The following GRM1 variants were observed in gnomAD, a reference collection of about 807,000 sequenced individuals.
The protein encoded by GRM1 is metabotropic glutamate receptor 1.
A neutral mutation model predicts 90.9 loss-of-function variants in GRM1; 33 were observed. The ratio of observed to expected loss-of-function variants is 0.36; its 90% CI spans 0.28 to 0.49. GRM1 has a LOEUF of 0.49. Among genes scored for constraint, GRM1 ranks in the 20% least tolerant of loss-of-function variants. The pLI, the probability that GRM1 is intolerant of heterozygous loss-of-function variation, is 0.99. For synonymous variants in GRM1, 700 were observed against 613.2 expected (o/e 1.14, Z -2.09); for missense variants, 1,190 against 1,534.3 (o/e 0.78, Z 3.75).
chr6:146,427,501 G>A (rs1778253213), intron 7 of GRM1, among the ~76,000 whole-genome samples: 1 of 152,250 alleles, frequency 6.6e-6, no homozygotes, highest in East Asian at 1.9e-4. Flanking sequence ...CAGATGAGAA[G>A]AGCCCAATTT....
intron 2 of GRM1, among the ~76,000 whole-genome samples, chr6:146,228,671 G>T (rs548129194): frequency 5.9e-5 from 9 of 152,250 alleles, no homozygotes; most frequent in African/African-American, 2.2e-4. Context: ...TTGCATTATA[G>T]TAATAGTATA....
At chr6:146,346,956 G>A (rs540931793) in intron 3 of GRM1, among the ~76,000 whole-genome samples, 1 of 152,314 alleles carries the variant, frequency 6.6e-6, no homozygotes, top group African/African-American at 2.4e-5. Flanking sequence ...CTTGCTTTAT[G>A]AGGAGATAGA....
chr6:146,393,074 G>C (rs568040547), intron 6 of GRM1, among the ~76,000 whole-genome samples: 8 of 152,128 alleles, frequency 5.3e-5, no homozygotes, highest in Non-Finnish European at 1.0e-4. Flanking sequence ...GGGTCAAATG[G>C]TATTTCTGGT....
intron 2 of GRM1, among the ~76,000 whole-genome samples, chr6:146,203,086 G>T (rs1484286231): frequency 6.6e-6 from 1 of 151,770 alleles, no homozygotes; most frequent in Non-Finnish European, 1.5e-5. Flanking sequence ...CCCAGCTACT[G>T]GGGAGGCTGA....
chr6:146,308,693 C>T (rs571313645), intron 3 of GRM1, among the ~76,000 whole-genome samples: 1 of 152,212 alleles, frequency 6.6e-6, no homozygotes, highest in African/African-American at 2.4e-5. Flanking sequence ...TGGAAATATA[C>T]AGAAGCATTA....
chr6:146,335,544 G>C (rs946561922), intron 3 of GRM1, among the ~76,000 whole-genome samples: 3 of 152,002 alleles, frequency 2.0e-5, no homozygotes, highest in Non-Finnish European at 4.4e-5. Flanking sequence ...ATCAATCCCA[G>C]CTCCTGTTCC....
At chr6:146,163,314 C>T (rs1282606744) in intron 2 of GRM1, among the ~76,000 whole-genome samples, 1 of 152,138 alleles carries the variant, frequency 6.6e-6, no homozygotes, top group Non-Finnish European at 1.5e-5. Context: ...TAAGATGCTT[C>T]TCAGAATTAT....
intron 1 of GRM1, among the ~76,000 whole-genome samples, chr6:146,144,678 A>T (rs935156105): frequency 1.3e-4 from 20 of 152,230 alleles, no homozygotes; most frequent in African/African-American, 4.8e-4. Context: ...AATACCTGAA[A>T]ATGTGGAAGT....
chr6:146,425,952 T>A (rs920474090), intron 7 of GRM1, among the ~76,000 whole-genome samples: 1 of 152,206 alleles, frequency 6.6e-6, no homozygotes, highest in Non-Finnish European at 1.5e-5. Flanking sequence ...AGGTGCTGTA[T>A]AAGGAGACAT....
intron 2 of GRM1, among the ~76,000 whole-genome samples, chr6:146,249,746 C>G (rs146067972): frequency 7.9e-5 from 12 of 152,124 alleles, no homozygotes; most frequent in Admixed American, 7.9e-4. Context: ...CACCATCCTC[C>G]AGACCCCAAA....
chr6:146,361,933 C>A (rs543871127), intron 5 of GRM1, among the ~76,000 whole-genome samples: 3 of 152,264 alleles, frequency 2.0e-5, no homozygotes, highest in African/African-American at 7.2e-5. Context: ...GCCGAGGGAA[C>A]AGAATCCAGA....
chr6:146,207,201 G>T (rs1779525072), intron 2 of GRM1, among the ~76,000 whole-genome samples: 1 of 152,116 alleles, frequency 6.6e-6, no homozygotes, highest in African/African-American at 2.4e-5. Context: ...GGGTCAAATG[G>T]TAGTATACTT....
chr6:146,417,326 G>GTTTGCC (rs1479461485), intron 7 of GRM1, among the ~76,000 whole-genome samples: 2 of 152,164 alleles, frequency 1.3e-5, no homozygotes, highest in Non-Finnish European at 2.9e-5. Context: ...GGGAGAGTTA[G>GTTTGCC]TTTGCCCTGG....
Position 146,159,381 on chromosome 6 carries a change from A to T in GRM1, c.734A>T (p.Lys245Ile). 1 of 1,614,148 alleles carries T rather than the reference A, an allele frequency of 6.2e-7. No homozygotes were observed. Among genetic ancestry groups the T allele is most frequent in the Non-Finnish European group, 8.5e-7 (1 of 1,179,976 alleles). Reference sequence around the variant, plus strand: ...GGGGAGAGCGGAATGGACGCTTTCAAAGAGCTGGCTGCCCAGGAAGGCCTC... The same window carrying T: ...GGGGAGAGCGGAATGGACGCTTTCATAGAGCTGGCTGCCCAGGAAGGCCTC... ...NYGESGMDAF[K>I]ELAAQEGLCI... is the part of the protein sequence containing the mutation. The change falls in exon 2 of 8, where the codon AAA becomes ATA. Residue 245 changes from lysine to isoleucine, a missense_variant. Transcript: ENST00000282753.
chr6:146,353,476 A>G (rs1243752784), intron 4 of GRM1, among the ~76,000 whole-genome samples: 3 of 152,196 alleles, frequency 2.0e-5, no homozygotes, highest in African/African-American at 7.2e-5. Context: ...TCTTTTACAG[A>G]TAATAAAACT....
At chr6:146,053,276 T>C (rs1775359256) in intron 1 of GRM1, among the ~76,000 whole-genome samples, 1 of 152,118 alleles carries the variant, frequency 6.6e-6, no homozygotes, top group Non-Finnish European at 1.5e-5. Flanking sequence ...GAAGCAATAT[T>C]TTGTACAAGG....
At chr6:146,283,859 T>A (rs963879196) in intron 2 of GRM1, among the ~76,000 whole-genome samples, 12 of 152,212 alleles carry the variant, frequency 7.9e-5, no homozygotes, top group African/African-American at 2.9e-4. Context: ...AAGTAAAGTA[T>A]CTCTGGCCTA....
rs541867483 is a variant in GRM1, at chr6:146,248,077, C to A, written c.951-56534C>A. ...CTCTGTTCTGGGGGAAATACTAGATCTTTAGACAAAAGCTTTCTGCTTAGT... is the reference window on the plus strand; with the variant it reads ...CTCTGTTCTGGGGGAAATACTAGATATTTAGACAAAAGCTTTCTGCTTAGT... On this transcript the variant is annotated intron_variant, in intron 2 of 7. Transcript: ENST00000282753. 3.9e-5 allele frequency among the ~76,000 whole-genome samples: 6 copies of A among 151,940 alleles called. No individual in the cohort carries two copies. In the East Asian group the frequency reaches 1.2e-3, roughly 29 times the overall value.
intron 2 of GRM1, among the ~76,000 whole-genome samples, chr6:146,298,138 A>G (rs4140583): frequency 0.011 from 1,735 of 152,288 alleles, 74 homozygotes; most frequent in East Asian, 0.079. Context: ...CATTCATTTT[A>G]TAAACCCCTA....
Sources: allele counts gnomAD v4.1 joint callset (sites outside exome capture counted in the v4.1 genomes callset), GRCh38; gene constraint gnomAD v4.1.1; transcripts MANE v1.5; gene names NCBI Gene and HGNC (gene_info 2026-07-23, HGNC 2026-07-21).